The following JMY variants were observed in gnomAD, a reference collection of about 807,000 sequenced individuals.
The protein encoded by JMY is junction mediating and regulatory protein, p53 cofactor, also known as junction-mediating and -regulatory protein.
In JMY, 46 loss-of-function variants were observed where a neutral mutation model predicts 103.3. The ratio of observed to expected loss-of-function variants is 0.45; its 90% CI spans 0.35 to 0.57. JMY has a LOEUF of 0.57. Ranked by LOEUF, JMY falls within the 20% of genes least tolerant of loss-of-function variation. The pLI is 0.00. For synonymous variants in JMY, 526 were observed against 489.3 expected, an observed-to-expected ratio of 1.07 and a Z score of -0.99; for missense variants, 1,238 against 1,255.2, an observed-to-expected ratio of 0.99 and a Z score of 0.21.
rs998964785 is a variant in JMY at position 79,236,510 on chromosome 5, C to A, written c.-141C>A. ...GTCGGGGCGCGGAGGGACAGGCGAA[C>A]GAGCCGGGAGAGCCGGCCGGCGCAC... On this transcript the variant is annotated 5_prime_UTR_variant, in exon 1 of 11. Transcript: ENST00000396137. The A allele has an allele frequency of 1.8e-6, 1 of 567,006 alleles. No individual in the cohort carries two copies. Among genetic ancestry groups the A allele is most frequent in the Non-Finnish European group, 2.7e-6 (1 of 368,940 alleles). The allele number at this position is 567,006 out of a possible 1,614,324, so 35.1% of individuals were successfully genotyped here. A position where few individuals can be genotyped will look rare whatever the true frequency, so the allele number is the denominator to read the frequency against.
At chr5:79,307,782 A>G (rs1227961110) in intron 7 of JMY, among the ~76,000 whole-genome samples, 1 of 152,158 alleles carries the variant, frequency 6.6e-6, no homozygotes, top group Non-Finnish European at 1.5e-5. Flanking sequence ...TCTGTCACCA[A>G]GGCTGGAGTG....
At chr5:79,306,677 T>C (rs1353525280) in intron 7 of JMY, among the ~76,000 whole-genome samples, 5 of 152,116 alleles carry the variant, frequency 3.3e-5, no homozygotes, top group Admixed American at 6.6e-5. Context: ...CAACATCTCC[T>C]ATACTCCTGT....
intron 1 of JMY, among the ~76,000 whole-genome samples, chr5:79,277,200 C>T (rs1745966280): frequency 6.6e-6 from 1 of 151,942 alleles, no homozygotes; most frequent in South Asian, 2.1e-4. Flanking sequence ...CTGTGAGGAC[C>T]AGGACCATGT....
At chr5:79,238,592 T>G (rs1744598349) in intron 1 of JMY, among the ~76,000 whole-genome samples, 1 of 152,098 alleles carries the variant, frequency 6.6e-6, no homozygotes, top group African/African-American at 2.4e-5. Context: ...GTTACTGTTT[T>G]TACTATTAAT....
chr5:79,293,413 T>G (rs1414973897), intron 4 of JMY, among the ~76,000 whole-genome samples: 3 of 152,032 alleles, frequency 2.0e-5, no homozygotes, highest in Non-Finnish European at 4.4e-5. Context: ...CTTTTTTTTT[T>G]TTTTAAATTA....
At chr5:79,321,566 T>C (rs1017791500) in intron 10 of JMY, 40 bp from the exon 11 acceptor site, 1 of 152,118 alleles carries the variant, frequency 6.6e-6, no homozygotes, top group African/African-American at 2.4e-5. Flanking sequence ...CTTTAAAGGG[T>C]CTTTTTTTTA....
At chr5:79,284,051 T>C (rs974431697) in intron 2 of JMY, 17 of 979,892 alleles carry the variant, frequency 1.7e-5, no homozygotes, top group Non-Finnish European at 2.3e-5. Flanking sequence ...CAAATTACTT[T>C]CTTTTTTTTA....
At position 79,236,927 on chromosome 5, in the gene JMY, A is replaced by G. The variant is rs1352261506; in HGVS notation, c.277A>G (p.Thr93Ala). 28 of 1,395,950 alleles carry G rather than the reference A, an allele frequency of 2.0e-5. No homozygotes were observed. Among genetic ancestry groups the G allele is most frequent in the Non-Finnish European group, 2.3e-5 (25 of 1,080,084 alleles). The allele number at this position is 1,395,950 out of a possible 1,614,324, so 86.5% of individuals were successfully genotyped here. A position where few individuals can be genotyped will look rare whatever the true frequency, so the allele number is the denominator to read the frequency against. ...SPAGRGRPEA[T>A]ASATLVRSPG... ...GGCGGGCAGGGGTCGGCCCGAGGCCACTGCCTCTGCAACTCTGGTTAGGAG... is the reference window on the plus strand; with the variant it reads ...GGCGGGCAGGGGTCGGCCCGAGGCCGCTGCCTCTGCAACTCTGGTTAGGAG... The change falls in exon 1 of 11, where the codon ACT becomes GCT. Residue 93 changes from threonine (T) to alanine (A), a missense_variant. Transcript: ENST00000396137.
At chr5:79,248,670 T>A (rs1744981683) in intron 1 of JMY, among the ~76,000 whole-genome samples, 1 of 151,992 alleles carries the variant, frequency 6.6e-6, no homozygotes, top group East Asian at 1.9e-4. Flanking sequence ...AAAAAAAAAG[T>A]TTCTTACTAA....
intron 4 of JMY, among the ~76,000 whole-genome samples, chr5:79,296,265 T>C (rs932835706): frequency 1.3e-5 from 2 of 152,248 alleles, no homozygotes; most frequent in African/African-American, 2.4e-5. Flanking sequence ...CATTAAATTA[T>C]GGGAATTTTC....
chr5:79,250,037 G>T (rs1240081933), intron 1 of JMY, among the ~76,000 whole-genome samples: 1 of 152,182 alleles, frequency 6.6e-6, no homozygotes, highest in Non-Finnish European at 1.5e-5. Flanking sequence ...GCCTAGCGTG[G>T]TATCTAATAT....
intron 1 of JMY, among the ~76,000 whole-genome samples, chr5:79,269,464 C>A (rs1202229568): frequency 6.6e-6 from 1 of 152,006 alleles, no homozygotes; most frequent in Non-Finnish European, 1.5e-5. Context: ...TTTTTTGATA[C>A]CCACAAAATA....
intron 10 of JMY, among the ~76,000 whole-genome samples, chr5:79,319,132 T>A (rs1328753653): frequency 6.6e-6 from 1 of 152,218 alleles, no homozygotes; most frequent in Non-Finnish European, 1.5e-5. Context: ...ATATCCTGCC[T>A]AACCCTAGAC....
chr5:79,245,581 G>A (rs908396991), intron 1 of JMY, among the ~76,000 whole-genome samples: 3 of 152,074 alleles, frequency 2.0e-5, no homozygotes, highest in Non-Finnish European at 4.4e-5. Flanking sequence ...AGGACCCACA[G>A]CAGTTGATAG....
At chr5:79,319,994 C>T (rs1181835367) in intron 10 of JMY, among the ~76,000 whole-genome samples, 1 of 152,136 alleles carries the variant, frequency 6.6e-6, no homozygotes, top group South Asian at 2.1e-4. Context: ...TGTTCGTTCC[C>T]CTCTGAAACT....
intron 1 of JMY, among the ~76,000 whole-genome samples, chr5:79,246,330 T>C (rs911219456): frequency 1.3e-5 from 2 of 152,220 alleles, no homozygotes; most frequent in Non-Finnish European, 2.9e-5. Context: ...TAAGGATGTA[T>C]ATAACAAGTT....
chr5:79,236,515 CGG>C lies in JMY; in HGVS notation c.-134_-133del, dbSNP rs1580318568. ...GGCGCGGAGGGACAGGCGAACGAGC[CGG>C]GAGAGCCGGCCGGCGCACTAAGATG... On this transcript the variant is annotated 5_prime_UTR_variant, in exon 1 of 11. Coordinates refer to ENST00000396137, the MANE Select transcript of JMY (RefSeq NM_152405.5). 4 of 602,560 alleles carry C rather than the reference CGG, an allele frequency of 6.6e-6. No individual in the cohort carries two copies. In the East Asian group the frequency reaches 1.4e-4, roughly 21 times the overall value. The allele number at this position is 602,560 out of a possible 1,614,324, so 37.3% of individuals were successfully genotyped here.
chr5:79,307,357 TC>T (rs1257991818), intron 7 of JMY, among the ~76,000 whole-genome samples: 1 of 152,202 alleles, frequency 6.6e-6, no homozygotes, highest in Non-Finnish European at 1.5e-5. Flanking sequence ...CATTTTGAAC[TC>T]CCACCAGCAA....
intron 7 of JMY, among the ~76,000 whole-genome samples, chr5:79,306,886 A>G: frequency 6.6e-6 from 1 of 152,148 alleles, no homozygotes; most frequent in Non-Finnish European, 1.5e-5. Flanking sequence ...GAATAATTTC[A>G]CTGCTCCAAA....
Sources: gnomAD v4.1 joint callset for allele counts (sites outside exome capture counted in the v4.1 genomes callset) on GRCh38, gnomAD v4.1.1 for gene constraint, MANE v1.5 for transcripts, NCBI Gene and HGNC (gene_info 2026-07-23, HGNC 2026-07-21) for gene names.